BMPR1B: variants seen among roughly 807,000 people sequenced by gnomAD.
BMPR1B encodes bone morphogenetic protein receptor type 1B.
A neutral mutation model predicts 59.1 loss-of-function variants in BMPR1B; 12 were observed. The observed-to-expected ratio is 0.20, with a 90% CI of 0.13 to 0.33. BMPR1B has a LOEUF of 0.33. BMPR1B is among the 10% of genes least tolerant of loss of function. The pLI, the probability that BMPR1B is intolerant of heterozygous loss-of-function variation, is 1.00. For synonymous variants in BMPR1B, 237 were observed against 207.3 expected (o/e 1.14, Z -1.23); for missense variants, 550 against 610.9 (o/e 0.90, Z 1.05).
At chr4:95,041,091 A>G (rs1013323192) in intron 3 of BMPR1B, among the ~76,000 whole-genome samples, 1 of 152,196 alleles carries the variant, frequency 6.6e-6, no homozygotes, top group Non-Finnish European at 1.5e-5. Flanking sequence ...CAATATATGT[A>G]TTTGATGTAC....
rs1304612979 is a variant in BMPR1B at position 95,115,845 on chromosome 4, A to G, written c.349+58A>G. The G allele has an allele frequency of 4.8e-6, 7 of 1,459,210 alleles. No homozygotes were observed. The South Asian group carries it at 6.8e-5, about 14-fold the overall frequency. The allele number at this position is 1,459,210 out of a possible 1,614,324, so 90.4% of individuals were successfully genotyped here. On this transcript the variant is annotated intron_variant, in intron 6 of 12. Coordinates refer to ENST00000515059, the MANE Select transcript of BMPR1B (RefSeq NM_001203.3). The stretch of plus-strand genomic sequence containing the variant: ...ACTAGGTATCATGAAAATAAAAACT[A>G]AAAACTAGAATCGTTCTCTCTCAAT...
chr4:94,913,079 A>G (rs1189596972), intron 2 of BMPR1B, among the ~76,000 whole-genome samples: 1 of 152,068 alleles, frequency 6.6e-6, no homozygotes, highest in African/African-American at 2.4e-5. Context: ...TTGCTTTTGG[A>G]AGAGGTGACA....
chr4:94,828,766 G>T (rs1724471147), intron 1 of BMPR1B, among the ~76,000 whole-genome samples: 1 of 152,058 alleles, frequency 6.6e-6, no homozygotes, highest in Admixed American at 6.6e-5. Context: ...TATTGAATTA[G>T]ATCTGATGGT....
At chr4:95,047,780 A>G (rs1726157425) in intron 3 of BMPR1B, among the ~76,000 whole-genome samples, 1 of 152,126 alleles carries the variant, frequency 6.6e-6, no homozygotes, top group African/African-American at 2.4e-5. Context: ...CAGTTACTAA[A>G]TCTTTATTTT....
intron 1 of BMPR1B, among the ~76,000 whole-genome samples, chr4:94,853,090 G>C (rs560416433): frequency 6.6e-6 from 1 of 152,200 alleles, no homozygotes; most frequent in Non-Finnish European, 1.5e-5. Flanking sequence ...AACCCAGATT[G>C]GTATCACTGA....
intron 1 of BMPR1B, among the ~76,000 whole-genome samples, chr4:94,795,917 A>C (rs1040425740): frequency 1.3e-5 from 2 of 151,970 alleles, no homozygotes; most frequent in African/African-American, 4.8e-5. Flanking sequence ...GATATCTGGC[A>C]TAGAGACGGT....
chr4:95,140,050 C>G (rs192097385), intron 10 of BMPR1B, among the ~76,000 whole-genome samples: 2 of 152,136 alleles, frequency 1.3e-5, no homozygotes, highest in East Asian at 3.9e-4. Flanking sequence ...TGTTCCTATT[C>G]GGCCATCTTG....
chr4:94,929,827 G>A (rs1444477061), intron 2 of BMPR1B, among the ~76,000 whole-genome samples: 1 of 151,944 alleles, frequency 6.6e-6, no homozygotes, highest in Admixed American at 6.6e-5. Context: ...AGAACTTCAA[G>A]CTTGACACGT....
intron 1 of BMPR1B, among the ~76,000 whole-genome samples, chr4:94,875,316 G>C (rs1478265737): frequency 6.6e-6 from 1 of 152,160 alleles, no homozygotes; most frequent in Non-Finnish European, 1.5e-5. Context: ...CTGTAATACT[G>C]TTTTAACAGT....
intron 10 of BMPR1B, among the ~76,000 whole-genome samples, chr4:95,144,503 C>A (rs1024154995): frequency 6.6e-6 from 1 of 151,248 alleles, no homozygotes; most frequent in African/African-American, 2.4e-5. Context: ...AAAAAATACT[C>A]ATTGAAGCAT....
chr4:95,046,911 T>C (rs1441715663), intron 3 of BMPR1B, among the ~76,000 whole-genome samples: 1 of 152,196 alleles, frequency 6.6e-6, no homozygotes, highest in Admixed American at 6.5e-5. Flanking sequence ...ATAGAATCTA[T>C]TGGAGCAGTT....
intron 2 of BMPR1B, among the ~76,000 whole-genome samples, chr4:94,906,270 T>G (rs1296378800): frequency 1.3e-5 from 2 of 152,088 alleles, no homozygotes; most frequent in East Asian, 1.9e-4. Context: ...GTACATGCCT[T>G]GAAAATGCCC....
intron 1 of BMPR1B, among the ~76,000 whole-genome samples, chr4:94,848,054 A>G (rs1380300647): frequency 6.6e-6 from 1 of 152,210 alleles, no homozygotes; most frequent in Non-Finnish European, 1.5e-5. Flanking sequence ...TATACACCTA[A>G]TATGTGCCTA....
Position 95,155,456 on chromosome 4 carries a change from T to C in BMPR1B, c.*783T>C, listed in dbSNP as rs1735348350. 1 of 147,172 alleles carries C rather than the reference T, an allele frequency of 6.8e-6. No individual in the cohort carries two copies. Among genetic ancestry groups the C allele is most frequent in the Non-Finnish European group, 1.5e-5 (1 of 66,666 alleles). The allele number at this position is 147,172 out of a possible 1,614,324, so 9.1% of individuals were successfully genotyped here. On this transcript the variant is annotated 3_prime_UTR_variant, in exon 13 of 13. Coordinates refer to ENST00000515059, the MANE Select transcript of BMPR1B (RefSeq NM_001203.3). ...CATCTCTTTCATGGTAAAACCCTTTTCATTAAACACAAAGAAAGCTTTTTT... is the reference window on the plus strand; with the variant it reads ...CATCTCTTTCATGGTAAAACCCTTTCCATTAAACACAAAGAAAGCTTTTTT...
chr4:95,004,665 TC>T (rs1215460679), intron 3 of BMPR1B, among the ~76,000 whole-genome samples: 2 of 152,210 alleles, frequency 1.3e-5, no homozygotes, highest in African/African-American at 4.8e-5. Flanking sequence ...TTTCTACTTC[TC>T]TCTATACCAA....
In BMPR1B at chr4:95,131,217, T is replaced by A; in HGVS notation, c.781T>A (p.Phe261Ile). 6.2e-7 allele frequency: 1 copy of A among 1,613,634 alleles called. No homozygotes were observed. Among genetic ancestry groups the A allele is most frequent in the South Asian group, 1.1e-5 (1 of 91,034 alleles). ...VLMRHENILG[F>I]IAADIKGTGS... The stretch of plus-strand genomic sequence containing the variant: ...CTTTTCATCTTTTTTCCTTTTAGGT[T>A]TCATTGCTGCAGATATCAAAGGGAC... Residue 261 changes from phenylalanine (F) to isoleucine (I), a missense_variant and splice_region_variant, in exon 10 of 13, where the codon TTC becomes ATC. By Grantham distance (21) the Phe-to-Ile change is conservative. Transcript: ENST00000515059.
At chr4:94,880,469 A>G (rs368375223) in intron 2 of BMPR1B, among the ~76,000 whole-genome samples, 4 of 151,910 alleles carry the variant, frequency 2.6e-5, no homozygotes, top group African/African-American at 9.6e-5. Flanking sequence ...CTACAAGCAC[A>G]CACCACCACC....
At chr4:95,036,971 C>T (rs567252751) in intron 3 of BMPR1B, among the ~76,000 whole-genome samples, 35 of 152,164 alleles carry the variant, frequency 2.3e-4, no homozygotes, top group South Asian at 4.1e-4. Context: ...TGTTGCCTTT[C>T]GAAAATCAAT....
chr4:95,134,255 C>G (rs1367919991), intron 10 of BMPR1B, among the ~76,000 whole-genome samples: 2 of 152,166 alleles, frequency 1.3e-5, no homozygotes, highest in African/African-American at 4.8e-5. Flanking sequence ...GCCACATTTT[C>G]TTAATCCAGT....
Sources: gnomAD v4.1 joint callset for allele counts (sites outside exome capture counted in the v4.1 genomes callset) on GRCh38, gnomAD v4.1.1 for gene constraint, MANE v1.5 for transcripts, NCBI Gene and HGNC (gene_info 2026-07-23, HGNC 2026-07-21) for gene names.